The following TMEM200A variants were observed in gnomAD, a reference collection of about 807,000 sequenced individuals.
TMEM200A encodes the protein two transmembrane C.
In TMEM200A, 12 loss-of-function variants were observed where a neutral mutation model predicts 24.3. That is an observed-to-expected ratio of 0.49 (90% confidence interval 0.32 to 0.80). The LOEUF is 0.80. TMEM200A is among the 30% of genes least tolerant of loss of function. TMEM200A has a pLI of 0.04. For synonymous variants in TMEM200A, 224 were observed against 224.4 expected (o/e 1.00, Z 0.02); for missense variants, 545 against 614.4 (o/e 0.89, Z 1.19).
chr6:130,429,882 A>G (rs1344821581), intron 2 of TMEM200A, among the ~76,000 whole-genome samples: 2 of 152,176 alleles, frequency 1.3e-5, no homozygotes, highest in South Asian at 2.1e-4. Flanking sequence ...ACGTAAAAAA[A>G]ACGTGTATAA....
chr6:130,429,183 G>T (rs911264361), intron 2 of TMEM200A, among the ~76,000 whole-genome samples: 4 of 152,122 alleles, frequency 2.6e-5, no homozygotes, highest in Non-Finnish European at 5.9e-5. Flanking sequence ...TAAAGTTCAT[G>T]TGCAACATAA....
At chr6:130,382,708 T>G (rs1172402458) in intron 1 of TMEM200A, among the ~76,000 whole-genome samples, 1 of 152,174 alleles carries the variant, frequency 6.6e-6, no homozygotes, top group Non-Finnish European at 1.5e-5. Context: ...ATTTTACCAC[T>G]GGCAATGTTA....
chr6:130,427,529 A>G (rs919654758), intron 2 of TMEM200A, among the ~76,000 whole-genome samples: 3 of 106,076 alleles, frequency 2.8e-5, no homozygotes, highest in Admixed American at 2.7e-4. Context: ...TCTTGGGCAA[A>G]TCTTTTGAAA....
At chr6:130,425,303 AAAC>A (rs146847713) in intron 2 of TMEM200A, among the ~76,000 whole-genome samples, 19,982 of 152,204 alleles carry the variant, frequency 0.13, 1,507 homozygotes, top group East Asian at 0.34. Flanking sequence ...TCTGGATTGA[AAAC>A]AATATAAGCA....
intron 2 of TMEM200A, among the ~76,000 whole-genome samples, chr6:130,405,838 A>G (rs1779192611): frequency 6.6e-6 from 1 of 152,122 alleles, no homozygotes; most frequent in South Asian, 2.1e-4. Flanking sequence ...CCTAATCCAG[A>G]TGATAGACAC....
chr6:130,367,081 G>A (rs138204559), intron 1 of TMEM200A, among the ~76,000 whole-genome samples: 61 of 152,264 alleles, frequency 4.0e-4, no homozygotes, highest in African/African-American at 1.4e-3. Flanking sequence ...CATTGTGTAG[G>A]CGCAAGCTCT....
At chr6:130,424,060 A>G (rs1479663656) in intron 2 of TMEM200A, among the ~76,000 whole-genome samples, 1 of 152,126 alleles carries the variant, frequency 6.6e-6, no homozygotes, top group Non-Finnish European at 1.5e-5. Context: ...TTTTTTCTTT[A>G]GCATATTTTT....
At chr6:130,379,295 C>A (rs971690957) in intron 1 of TMEM200A, among the ~76,000 whole-genome samples, 9 of 152,120 alleles carry the variant, frequency 5.9e-5, no homozygotes, top group Non-Finnish European at 7.3e-5. Flanking sequence ...GAAGAGGAGA[C>A]TTTCTTTCTC....
At chr6:130,413,478 C>T (rs1779377641) in intron 2 of TMEM200A, among the ~76,000 whole-genome samples, 1 of 152,150 alleles carries the variant, frequency 6.6e-6, no homozygotes, top group South Asian at 2.1e-4. Flanking sequence ...TCTTCCTACG[C>T]TCAGTCTTCC....
intron 1 of TMEM200A, among the ~76,000 whole-genome samples, chr6:130,378,233 T>C (rs1343095730): frequency 6.6e-6 from 1 of 151,272 alleles, no homozygotes; most frequent in African/African-American, 2.4e-5. Flanking sequence ...ACATGATTTC[T>C]AAGAATATTG....
intron 2 of TMEM200A, among the ~76,000 whole-genome samples, chr6:130,418,379 T>G (rs1339609968): frequency 6.6e-6 from 1 of 152,168 alleles, no homozygotes; most frequent in African/African-American, 2.4e-5. Flanking sequence ...GAATACAAAA[T>G]TATTGCTTTT....
At chr6:130,377,677 C>T (rs1034188107) in intron 1 of TMEM200A, among the ~76,000 whole-genome samples, 2 of 152,162 alleles carry the variant, frequency 1.3e-5, no homozygotes, top group Non-Finnish European at 2.9e-5. Context: ...CTCATTTATA[C>T]TTTTATTTAT....
At chr6:130,381,430 C>T (rs1778592765) in intron 1 of TMEM200A, among the ~76,000 whole-genome samples, 1 of 152,044 alleles carries the variant, frequency 6.6e-6, no homozygotes, top group Admixed American at 6.6e-5. Context: ...TGAAGATGGC[C>T]CGTGAGGGAA....
chr6:130,389,991 T>C (rs1376648782), intron 2 of TMEM200A, among the ~76,000 whole-genome samples: 2 of 152,242 alleles, frequency 1.3e-5, no homozygotes, highest in Non-Finnish European at 2.9e-5. Context: ...GTTATTTTGC[T>C]TACAGGTTCA....
chr6:130,431,864 G>T (rs942019894), intron 2 of TMEM200A, among the ~76,000 whole-genome samples: 1 of 152,032 alleles, frequency 6.6e-6, no homozygotes, highest in African/African-American at 2.4e-5. Flanking sequence ...TATTCCTAGC[G>T]TTTTCTGCAG....
chr6:130,368,577 CTA>C (rs1778238504), intron 1 of TMEM200A, among the ~76,000 whole-genome samples: 1 of 152,158 alleles, frequency 6.6e-6, no homozygotes. Flanking sequence ...TGGACTTACG[CTA>C]TGTTTTGTCT....
chr6:130,371,188 T>C (rs1379579316), intron 1 of TMEM200A, among the ~76,000 whole-genome samples: 1 of 152,114 alleles, frequency 6.6e-6, no homozygotes, highest in Non-Finnish European at 1.5e-5. Context: ...GAAATGGCTA[T>C]GCGTGGTAGA....
chr6:130,371,081 A>T (rs1221923211), intron 1 of TMEM200A, among the ~76,000 whole-genome samples: 1 of 152,300 alleles, frequency 6.6e-6, no homozygotes, highest in East Asian at 1.9e-4. Flanking sequence ...ATGAGGTTAT[A>T]TGTCAGGATG....
intron 1 of TMEM200A, among the ~76,000 whole-genome samples, chr6:130,368,661 C>T (rs560240911): frequency 2.6e-5 from 4 of 152,294 alleles, no homozygotes; most frequent in Middle Eastern, 6.8e-3. Context: ...ATGCTAGCTA[C>T]CCTTCCAGGC....
Sources: allele counts gnomAD v4.1 joint callset (sites outside exome capture counted in the v4.1 genomes callset), GRCh38; gene constraint gnomAD v4.1.1; transcripts MANE v1.5; gene names NCBI Gene and HGNC (gene_info 2026-07-23, HGNC 2026-07-21).